Variants in MED12L observed in about 807,000 individuals in gnomAD.
MED12L encodes the protein mediator complex subunit 12L.
Under a neutral mutation model 281.3 loss-of-function variants are expected in MED12L, and 60 were observed. That is an observed-to-expected ratio of 0.21 (90% CI 0.17 to 0.26). The LOEUF (loss-of-function observed/expected upper bound fraction) is 0.26. Ranked by LOEUF, MED12L falls within the 10% of genes least tolerant of loss-of-function variation. The pLI is 1.00. For missense variants in MED12L, 2,146 were observed against 2,680.9 expected (o/e 0.80, Z 4.41); for synonymous variants, 974 against 987.2 (o/e 0.99, Z 0.25).
At chr3:151,165,364 T>C (rs1431985574) in intron 9 of MED12L, 56 bp from the exon 10 acceptor site, 1 of 1,397,540 alleles carries the variant, frequency 7.2e-7, no homozygotes, top group East Asian at 2.3e-5. Flanking sequence ...TGACATGATT[T>C]AGACATGCGC....
intron 16 of MED12L, chr3:151,203,233 T>G (rs1725891248): frequency 6.6e-6 from 1 of 152,118 alleles, no homozygotes; most frequent in Admixed American, 6.5e-5. Flanking sequence ...TTCCTTTCCT[T>G]TTTGTGTGGT....
At chr3:151,407,940 G>C (rs1017278272) in intron 39 of MED12L, among the ~76,000 whole-genome samples, 6 of 152,120 alleles carry the variant, frequency 3.9e-5, no homozygotes, top group African/African-American at 1.2e-4. Flanking sequence ...CATTAATAAG[G>C]CTTAATAGAG....
At chr3:151,375,369 A>G (rs1364535633) in intron 27 of MED12L, among the ~76,000 whole-genome samples, 1 of 152,140 alleles carries the variant, frequency 6.6e-6, no homozygotes, top group Non-Finnish European at 1.5e-5. Flanking sequence ...TAGTATAATA[A>G]TTTGCCTTTG....
At chr3:151,194,128 G>C (rs1465765065) in intron 16 of MED12L, among the ~76,000 whole-genome samples, 1 of 151,874 alleles carries the variant, frequency 6.6e-6, no homozygotes, top group Non-Finnish European at 1.5e-5. Flanking sequence ...ACCACGCCTG[G>C]CTAATTTTTT....
rs764316341 is a variant in MED12L at position 151,165,842 on chromosome 3, A to G, written c.1358-4A>G. 8 of 1,612,750 alleles carry G rather than the reference A, an allele frequency of 5.0e-6. No homozygotes were observed. The highest frequency in any genetic ancestry group is 2.2e-5 in the East Asian group (1 of 44,874). On this transcript the variant is annotated splice_polypyrimidine_tract_variant and splice_region_variant and intron_variant, in intron 10 of 44. Coordinates refer to ENST00000687756, the MANE Select transcript of MED12L (RefSeq NM_001393769.1). ...TTAACCACTTGTTTAATTTCTGCCT[A>G]TAGGGGTGACTATTAGTCGGGTTTT...
chr3:151,379,373 T>G (rs753980895), intron 31 of MED12L, among the ~76,000 whole-genome samples: 22 of 152,234 alleles, frequency 1.4e-4, no homozygotes, highest in Non-Finnish European at 2.9e-4. Context: ...TTTAAGAAAT[T>G]TGTCTTTCCA....
chr3:151,145,309 A>G (rs964766541), intron 5 of MED12L, among the ~76,000 whole-genome samples: 2 of 152,188 alleles, frequency 1.3e-5, no homozygotes, highest in Non-Finnish European at 2.9e-5. Context: ...GTTACTCTGC[A>G]TGATAAACTG....
intron 2 of MED12L, among the ~76,000 whole-genome samples, chr3:151,110,211 T>C (rs1025276487): frequency 4.6e-5 from 7 of 152,204 alleles, no homozygotes; most frequent in African/African-American, 1.4e-4. Context: ...CTCCTCTTTC[T>C]ATTTTTGCCT....
intron 16 of MED12L, among the ~76,000 whole-genome samples, chr3:151,265,034 G>A (rs1375215995): frequency 1.3e-5 from 2 of 152,078 alleles, no homozygotes; most frequent in Admixed American, 1.3e-4. Context: ...TCTTCATGAT[G>A]ATTTCTTCCT....
chr3:151,419,595 A>G (rs1016720266), intron 43 of MED12L, among the ~76,000 whole-genome samples: 1 of 152,156 alleles, frequency 6.6e-6, no homozygotes, highest in African/African-American at 2.4e-5. Context: ...TGCATCTTTC[A>G]ATCTAATCAA....
intron 16 of MED12L, among the ~76,000 whole-genome samples, chr3:151,303,944 G>A (rs1010098100): frequency 6.6e-6 from 1 of 152,184 alleles, no homozygotes. Context: ...AGAGAGTTTA[G>A]GAAATGAGGA....
chr3:151,295,771 T>C (rs1261273330), intron 16 of MED12L, among the ~76,000 whole-genome samples: 1 of 152,202 alleles, frequency 6.6e-6, no homozygotes, highest in East Asian at 1.9e-4. Context: ...TTAGGGATCA[T>C]TGATAGGAAT....
rs143840198 is a variant in MED12L at position 151,280,460 on chromosome 3, C to A, written c.2251-69599C>A. On this transcript the variant is annotated intron_variant, in intron 16 of 44. Coordinates refer to ENST00000687756, the MANE Select transcript of MED12L (RefSeq NM_001393769.1). Reference sequence around the variant, plus strand: ...AAACTGAGGCATGGAGATGTTACATCAGGTTGCTGGAGCTGGGCAGATCCT... The same window carrying A: ...AAACTGAGGCATGGAGATGTTACATAAGGTTGCTGGAGCTGGGCAGATCCT... Among the ~76,000 whole-genome samples, 3 of 152,274 alleles carry A rather than the reference C, an allele frequency of 2.0e-5. No homozygotes were observed. In the East Asian group the frequency reaches 5.8e-4, roughly 29 times the overall value.
intron 12 of MED12L, among the ~76,000 whole-genome samples, chr3:151,185,824 AGAGT>A (rs1723186867): frequency 6.6e-6 from 1 of 152,188 alleles, no homozygotes. Context: ...CCTGGTTGAT[AGAGT>A]GAGACTCTGT....
intron 16 of MED12L, among the ~76,000 whole-genome samples, chr3:151,226,825 T>C (rs893141586): frequency 6.6e-6 from 1 of 152,224 alleles, no homozygotes; most frequent in African/African-American, 2.4e-5. Flanking sequence ...CTCAGTTTTC[T>C]ATCTCCTGCG....
intron 16 of MED12L, among the ~76,000 whole-genome samples, chr3:151,245,604 T>A (rs1443230837): frequency 1.0e-4 from 15 of 150,382 alleles, no homozygotes; most frequent in African/African-American, 3.7e-4. Flanking sequence ...AAATTAGGTA[T>A]TGATGGGATG....
At chr3:151,263,872 A>G (rs1559956261) in intron 16 of MED12L, among the ~76,000 whole-genome samples, 1 of 152,174 alleles carries the variant, frequency 6.6e-6, no homozygotes, top group Non-Finnish European at 1.5e-5. Flanking sequence ...GAGACAATAC[A>G]AAGCAGTGTT....
chr3:151,356,060 C>T, intron 19 of MED12L, 21 bp downstream of exon 19: 1 of 1,596,014 alleles, frequency 6.3e-7, no homozygotes, highest in Non-Finnish European at 8.5e-7. Flanking sequence ...GACCATGTTT[C>T]TCTTACTTTT....
chr3:151,281,157 G>A (rs1016359537), intron 16 of MED12L, among the ~76,000 whole-genome samples: 13 of 149,326 alleles, frequency 8.7e-5, no homozygotes, highest in Non-Finnish European at 1.6e-4. Flanking sequence ...GGGAGGCCGA[G>A]GCAGGCAGGT....
Sources: gnomAD v4.1 joint callset for allele counts (sites outside exome capture counted in the v4.1 genomes callset) on GRCh38, gnomAD v4.1.1 for gene constraint, MANE v1.5 for transcripts, NCBI Gene and HGNC (gene_info 2026-07-23, HGNC 2026-07-21) for gene names.